KCNMA1: variants seen among roughly 807,000 people sequenced by gnomAD.
The protein encoded by KCNMA1 is Calcium-activated potassium channel subunit alpha-1.
A neutral mutation model predicts 140.0 loss-of-function variants in KCNMA1; 29 were observed. The ratio of observed to expected loss-of-function variants is 0.21; its 90% CI spans 0.15 to 0.28. The LOEUF is 0.28. Among genes scored for constraint, KCNMA1 ranks in the 10% least tolerant of loss-of-function variants. The pLI, the probability that KCNMA1 is intolerant of heterozygous loss-of-function variation, is 1.00. For missense variants in KCNMA1, 880 were observed against 1,602.2 expected (o/e 0.55, Z 7.70); for synonymous variants, 612 against 611.9 (o/e 1.00, Z 0.00).
At chr10:77,247,451 C>G (rs571930007) in intron 3 of KCNMA1, among the ~76,000 whole-genome samples, 1 of 151,950 alleles carries the variant, frequency 6.6e-6, no homozygotes, top group Non-Finnish European at 1.5e-5. Flanking sequence ...ATGGAAGCAG[C>G]AATGGTGACA....
At chr10:77,141,829 A>T (rs901187504) in intron 5 of KCNMA1, among the ~76,000 whole-genome samples, 7 of 152,242 alleles carry the variant, frequency 4.6e-5, no homozygotes, top group African/African-American at 1.7e-4. Context: ...GACCTCTAGC[A>T]AGGCTAAAAT....
intron 2 of KCNMA1, among the ~76,000 whole-genome samples, chr10:77,268,644 GAA>G (rs746148097): frequency 2.0e-5 from 3 of 152,126 alleles, no homozygotes; most frequent in Non-Finnish European, 2.9e-5. Context: ...GCTTCCCGGT[GAA>G]AAGAGTAAAC....
chr10:77,514,803 C>T (rs1306552836), intron 1 of KCNMA1, among the ~76,000 whole-genome samples: 1 of 152,210 alleles, frequency 6.6e-6, no homozygotes, highest in Non-Finnish European at 1.5e-5. Flanking sequence ...GCTCTGTGCT[C>T]AGCCTTTGAG....
At chr10:77,561,721 C>G (rs1218919238) in intron 1 of KCNMA1, among the ~76,000 whole-genome samples, 1 of 152,176 alleles carries the variant, frequency 6.6e-6, no homozygotes, top group African/African-American at 2.4e-5. Context: ...TCCTGCTATG[C>G]TGGAAACTGA....
At chr10:77,467,296 A>G (rs2098045981) in intron 1 of KCNMA1, among the ~76,000 whole-genome samples, 3 of 152,192 alleles carry the variant, frequency 2.0e-5, no homozygotes, top group Admixed American at 6.5e-5. Context: ...TTTCACACCA[A>G]ATAACTACAC....
At chr10:77,341,686 G>T (rs958341816) in intron 2 of KCNMA1, among the ~76,000 whole-genome samples, 1 of 152,202 alleles carries the variant, frequency 6.6e-6, no homozygotes, top group Admixed American at 6.5e-5. Context: ...TGGGGCTGGT[G>T]AAGGGGGTAG....
At chr10:76,892,075 T>C (rs2040341295) in intron 25 of KCNMA1, among the ~76,000 whole-genome samples, 1 of 152,124 alleles carries the variant, frequency 6.6e-6, no homozygotes, top group South Asian at 2.1e-4. Flanking sequence ...TGGACACGTG[T>C]AATAAAATGC....
At chr10:76,903,585 G>A (rs1387890518) in intron 25 of KCNMA1, 1 of 152,244 alleles carries the variant, frequency 6.6e-6, no homozygotes, top group African/African-American at 2.4e-5. Context: ...CTCTGCCTCG[G>A]GACGGCCATG....
At position 77,637,681 on chromosome 10, in the gene KCNMA1, C is replaced by G; in HGVS notation, c.-39G>C. The G allele has an allele frequency of 2.1e-6, 3 of 1,447,410 alleles. No homozygotes were observed. The highest frequency in any genetic ancestry group is 2.7e-6 in the Non-Finnish European group (3 of 1,112,862). 89.7% of individuals were successfully genotyped at this position (1,447,410 alleles called of 1,614,324 possible). ...CAGCCGGCGCAGGGGCTCGGGGGAG[C>G]TCCTCCCGCCGCCAGCGCCACCCCA... On this transcript the variant is annotated 5_prime_UTR_variant, in exon 1 of 28. Transcript: ENST00000286628.
At chr10:77,573,545 G>C (rs1052358615) in intron 1 of KCNMA1, among the ~76,000 whole-genome samples, 4 of 151,984 alleles carry the variant, frequency 2.6e-5, no homozygotes, top group Non-Finnish European at 2.9e-5. Context: ...CAGATGGCAG[G>C]CCTCAACCCC....
intron 2 of KCNMA1, among the ~76,000 whole-genome samples, chr10:77,280,066 C>A (rs1056684290): frequency 1.3e-5 from 2 of 152,298 alleles, no homozygotes; most frequent in Middle Eastern, 6.8e-3. Context: ...CCTTTGAAAA[C>A]TTCCAGATCC....
At chr10:77,205,831 C>T (rs1487405619) in intron 3 of KCNMA1, among the ~76,000 whole-genome samples, 2 of 152,092 alleles carry the variant, frequency 1.3e-5, no homozygotes, top group Non-Finnish European at 2.9e-5. Context: ...TTTTAAAAGT[C>T]TATGAAATTG....
At chr10:77,247,154 C>T (rs887666735) in intron 3 of KCNMA1, among the ~76,000 whole-genome samples, 2 of 152,182 alleles carry the variant, frequency 1.3e-5, no homozygotes, top group African/African-American at 2.4e-5. Context: ...TCCGCGTAAC[C>T]GTAGCATAAG....
chr10:77,152,278 TTG>T (rs72088425), intron 5 of KCNMA1, among the ~76,000 whole-genome samples: 8,606 of 99,024 alleles, frequency 0.087, 450 homozygotes, highest in African/African-American at 0.2. Context: ...TTTTTTGCTT[TTG>T]TGTGTGTGTG....
Position 76,953,963 on chromosome 10 carries a change from T to C in KCNMA1, c.2361-39A>G, listed in dbSNP as rs780891969. 7 of 1,609,876 alleles carry C rather than the reference T, an allele frequency of 4.3e-6. No homozygotes were observed. The East Asian group carries it at 1.3e-4, about 31-fold the overall frequency. ...GACAGGAAAACCTAAGTGGAAAATG[T>C]GATAAATTATAAATGGAAAGTGCCC... is the stretch of plus-strand genomic sequence containing the variant. On this transcript the variant is annotated intron_variant, in intron 20 of 27. Coordinates refer to ENST00000286628, the MANE Select transcript of KCNMA1 (RefSeq NM_001161352.2).
chr10:77,422,913 T>A (rs2096897984), intron 1 of KCNMA1, among the ~76,000 whole-genome samples: 1 of 152,258 alleles, frequency 6.6e-6, no homozygotes, highest in African/African-American at 2.4e-5. Flanking sequence ...CCTTCTGAAC[T>A]GTGAGACAAT....
chr10:77,603,174 TC>T (rs2083228441), intron 1 of KCNMA1, among the ~76,000 whole-genome samples: 1 of 151,768 alleles, frequency 6.6e-6, no homozygotes, highest in South Asian at 2.1e-4. Flanking sequence ...GATTCCCACA[TC>T]CCCCCTGGTG....
intron 2 of KCNMA1, among the ~76,000 whole-genome samples, chr10:77,337,395 C>A (rs184180732): frequency 6.6e-6 from 1 of 152,100 alleles, no homozygotes; most frequent in East Asian, 1.9e-4. Context: ...CTAAGGCAGG[C>A]GGGTCATTTG....
At chr10:77,236,570 G>C (rs2055544266) in intron 3 of KCNMA1, among the ~76,000 whole-genome samples, 1 of 152,216 alleles carries the variant, frequency 6.6e-6, no homozygotes. Flanking sequence ...CAGCAAGTAT[G>C]CTGGCTTCTA....
Sources: gnomAD v4.1 joint callset for allele counts (sites outside exome capture counted in the v4.1 genomes callset) on GRCh38, gnomAD v4.1.1 for gene constraint, MANE v1.5 for transcripts, NCBI Gene and HGNC (gene_info 2026-07-23, HGNC 2026-07-21) for gene names.